The following MGAM2 variants were observed in gnomAD, a reference collection of about 807,000 sequenced individuals.
MGAM2 encodes the protein maltase-glucoamylase 2 (putative), also known as probable maltase-glucoamylase 2.
Under a neutral mutation model 96.1 loss-of-function variants are expected in MGAM2, and 98 were observed. That is an observed-to-expected ratio of 1.02 (90% CI 0.87 to 1.21). The LOEUF is 1.21. Ranked by LOEUF, MGAM2 falls within the 50% of genes most tolerant of loss-of-function variation. MGAM2 has a pLI of 0.00. For missense variants in MGAM2, 2,055 were observed against 1,182.4 expected (o/e 1.74, Z -10.82); for synonymous variants, 749 against 414.8 (o/e 1.81, Z -9.79).
intron 45 of MGAM2, among the ~76,000 whole-genome samples, chr7:142,202,038 G>C (rs1167174807): frequency 6.6e-6 from 1 of 152,132 alleles, no homozygotes; most frequent in African/African-American, 2.4e-5. Context: ...GAATGTAAAA[G>C]GCATTTTTGC....
At chr7:142,174,785 G>A (rs1397713780) in intron 31 of MGAM2, among the ~76,000 whole-genome samples, 3 of 139,542 alleles carry the variant, frequency 2.1e-5, no homozygotes, top group South Asian at 2.3e-4. Context: ...GAGCAATCTC[G>A]GCTCACTGCA....
intron 43 of MGAM2, among the ~76,000 whole-genome samples, 160 bp from the exon 44 acceptor site, chr7:142,198,455 C>T (rs1797119919): frequency 6.6e-6 from 1 of 152,176 alleles, no homozygotes; most frequent in South Asian, 2.1e-4. Context: ...GATTTTCAGT[C>T]TTAAGCAAAA....
In MGAM2 at chr7:142,172,083, C is replaced by G. The variant is rs575639458; in HGVS notation, c.3352-15C>G. The G allele has an allele frequency of 1.4e-6, 1 of 701,196 alleles. No homozygotes were observed. Among genetic ancestry groups the G allele is most frequent in the African/African-American group, 1.7e-5 (1 of 57,360 alleles). 43.4% of individuals were successfully genotyped at this position (701,196 alleles called of 1,614,324 possible). ...CTTGCATTTTCTTTTTGTTTATTAC[C>G]CTCGTGACTCCCAGTACAAGAAGAA... is the stretch of plus-strand genomic sequence containing the variant. On this transcript the variant is annotated splice_polypyrimidine_tract_variant and intron_variant, in intron 28 of 47. Coordinates refer to ENST00000477922, the MANE Select transcript of MGAM2 (RefSeq NM_001293626.2).
intron 12 of MGAM2, among the ~76,000 whole-genome samples, chr7:142,142,069 G>A (rs34273373): frequency 0.18 from 27,762 of 152,064 alleles, 2,720 homozygotes; most frequent in East Asian, 0.26. Context: ...TTTATTTTGC[G>A]AAACTGTCTT....
Position 142,161,233 on chromosome 7 carries a change from C to A in MGAM2, c.2434+20C>A. 1.4e-6 allele frequency: 1 copy of A among 701,480 alleles called. No individual in the cohort carries two copies. The highest frequency in any genetic ancestry group is 2.6e-6 in the Non-Finnish European group (1 of 384,070). The allele number at this position is 701,480 out of a possible 1,614,324, so 43.5% of individuals were successfully genotyped here. On this transcript the variant is annotated intron_variant, in intron 22 of 47. Coordinates refer to ENST00000477922, the MANE Select transcript of MGAM2 (RefSeq NM_001293626.2). The stretch of plus-strand genomic sequence containing the variant: ...CTAAAGGTAGACTTTCTCAAGGCAC[C>A]ATCCCTGTGGATCACTGTGGTTCTC...
chr7:142,167,448 A>C lies in MGAM2; in HGVS notation c.2989A>C (p.Lys997Gln). 1 of 703,022 alleles carries C rather than the reference A, an allele frequency of 1.4e-6. No homozygotes were observed. The highest frequency in any genetic ancestry group is 2.6e-6 in the Non-Finnish European group (1 of 384,994). The allele number at this position is 703,022 out of a possible 1,614,324, so 43.5% of individuals were successfully genotyped here. ...TGCAAAGATCAGCTTCCTCCACCTG[A>C]AAGTGATCTATCACACAGCAACCAT... ...LSAKISFLHL[K>Q]VIYHTATMLQ... The change falls in exon 26 of 48, where the codon AAA becomes CAA. Residue 997 changes from lysine to glutamine, a missense_variant. Transcript: ENST00000477922.
rs773952200 is a variant in MGAM2 at position 142,218,450 on chromosome 7, T to C, written c.5277T>C (p.Asn1759=). Residue 1759 remains asparagine (N), a synonymous_variant, in exon 47 of 48, where the codon AAT becomes AAC. Coordinates refer to ENST00000477922, the MANE Select transcript of MGAM2 (RefSeq NM_001293626.2). ...KVGYIRIWGV[N]TYVTQVSFTY... Reference sequence around the variant, plus strand: ...GGTATATTAGAATCTGGGGTGTGAATACCTATGTGACACAAGTCAGTTTCA... The same window carrying C: ...GGTATATTAGAATCTGGGGTGTGAACACCTATGTGACACAAGTCAGTTTCA... 1.4e-6 allele frequency: 1 copy of C among 702,596 alleles called. No individual in the cohort carries two copies. Among genetic ancestry groups the C allele is most frequent in the South Asian group, 1.5e-5 (1 of 67,506 alleles). The allele number at this position is 702,596 out of a possible 1,614,324, so 43.5% of individuals were successfully genotyped here.
chr7:142,125,599 GGA>G (rs1455754713), intron 3 of MGAM2, among the ~76,000 whole-genome samples: 1 of 152,074 alleles, frequency 6.6e-6, no homozygotes, highest in African/African-American at 2.4e-5. Context: ...CAATGAGACA[GGA>G]ATGTCAATTA....
chr7:142,220,671 A>C lies in MGAM2; in HGVS notation c.6160A>C (p.Thr2054Pro), dbSNP rs1216055635. ...CCCTACAAGTACTACTAGTACTAGC[A>C]CTAGTGCTACTGTTCCTATTACAAC... The part of the protein sequence containing the change: ...PFPTSTTSTS[T>P]SATVPITTTP... The change falls in exon 48 of 48, where the codon ACT becomes CCT. Residue 2054 changes from threonine (T) to proline (P), a missense_variant. Thr to Pro is a conservative substitution (Grantham distance 38). Transcript: ENST00000477922. The C allele has an allele frequency of 1.4e-6, 1 of 702,248 alleles. No homozygotes were observed. Among genetic ancestry groups the C allele is most frequent in the Non-Finnish European group, 2.6e-6 (1 of 384,874 alleles). The allele number at this position is 702,248 out of a possible 1,614,324, so 43.5% of individuals were successfully genotyped here. A position where few individuals can be genotyped will look rare whatever the true frequency, so the allele number is the denominator to read the frequency against.
chr7:142,119,830 A>G (rs1320197851), intron 2 of MGAM2, among the ~76,000 whole-genome samples: 1 of 152,222 alleles, frequency 6.6e-6, no homozygotes, highest in Non-Finnish European at 1.5e-5. Flanking sequence ...GATTCTTTTT[A>G]TAGGAAATGT....
intron 32 of MGAM2, among the ~76,000 whole-genome samples, chr7:142,177,100 G>T (rs1796402194): frequency 6.6e-6 from 1 of 152,074 alleles, no homozygotes; most frequent in Non-Finnish European, 1.5e-5. Flanking sequence ...GTATGTATTA[G>T]TCTGTTTTCA....
At chr7:142,114,997 T>C (rs4257942) in intron 1 of MGAM2, among the ~76,000 whole-genome samples, 59,026 of 151,252 alleles carry the variant, frequency 0.39, 11,694 homozygotes, top group South Asian at 0.47. Context: ...AAGTGGATCA[T>C]TTAAGGTCAG....
chr7:142,177,112 G>A (rs546597347), intron 32 of MGAM2, among the ~76,000 whole-genome samples: 5 of 152,196 alleles, frequency 3.3e-5, no homozygotes, highest in South Asian at 4.2e-4. Context: ...CTGTTTTCAC[G>A]CTGCCAATAA....
At chr7:142,175,981 G>A (rs1010164096) in intron 32 of MGAM2, among the ~76,000 whole-genome samples, 1 of 151,608 alleles carries the variant, frequency 6.6e-6, no homozygotes, top group Non-Finnish European at 1.5e-5. Context: ...AAATGAAAAG[G>A]GGCTTTTAAA....
intron 15 of MGAM2, among the ~76,000 whole-genome samples, chr7:142,152,700 T>G (rs1194721942): frequency 6.6e-6 from 1 of 152,198 alleles, no homozygotes; most frequent in East Asian, 1.9e-4. Flanking sequence ...AAAGAAGAGC[T>G]TGCCTGCGAA....
chr7:142,167,700 G>A (rs1447522031), intron 26 of MGAM2, among the ~76,000 whole-genome samples: 1 of 152,112 alleles, frequency 6.6e-6, no homozygotes, highest in Non-Finnish European at 1.5e-5. Context: ...AGCCTCCCAA[G>A]TAGCCAGGAC....
At position 142,167,451 on chromosome 7, in the gene MGAM2, G is replaced by A. The variant is rs1271817803; in HGVS notation, c.2992G>A (p.Val998Met). 5 of 702,900 alleles carry A rather than the reference G, an allele frequency of 7.1e-6. No individual in the cohort carries two copies. The highest frequency in any genetic ancestry group is 5.2e-6 in the Non-Finnish European group (2 of 385,004). 43.5% of individuals were successfully genotyped at this position (702,900 alleles called of 1,614,324 possible). A position where few individuals can be genotyped will look rare whatever the true frequency, so the allele number is the denominator to read the frequency against. Residue 998 changes from valine to methionine, a missense_variant, in exon 26 of 48, where the codon GTG becomes ATG. By Grantham distance (21) the Val-to-Met change is conservative. Coordinates refer to ENST00000477922, the MANE Select transcript of MGAM2 (RefSeq NM_001293626.2). ...AAAGATCAGCTTCCTCCACCTGAAA[G>A]TGATCTATCACACAGCAACCATGCT... ...SAKISFLHLK[V>M]IYHTATMLQV... is the part of the protein sequence containing the mutation.
intron 3 of MGAM2, among the ~76,000 whole-genome samples, chr7:142,130,451 G>A (rs1299811928): frequency 1.3e-5 from 2 of 152,216 alleles, no homozygotes; most frequent in Admixed American, 1.3e-4. Flanking sequence ...GAAATGTGTG[G>A]TTTTTCTGAG....
intron 37 of MGAM2, among the ~76,000 whole-genome samples, chr7:142,191,050 T>C (rs987902046): frequency 2.0e-5 from 3 of 152,032 alleles, no homozygotes; most frequent in African/African-American, 7.2e-5. Context: ...TAGGAGGATC[T>C]CTTGAGCCTA....
Sources: allele counts gnomAD v4.1 joint callset (sites outside exome capture counted in the v4.1 genomes callset), GRCh38; gene constraint gnomAD v4.1.1; transcripts MANE v1.5; gene names NCBI Gene and HGNC (gene_info 2026-07-23, HGNC 2026-07-21).